Variants in UNC79 observed in about 807,000 individuals in gnomAD.
The protein encoded by UNC79 is protein unc-79 homolog.
UNC79 carries 37 observed loss-of-function variants against 283.1 expected under a neutral mutation model. That is an observed-to-expected ratio of 0.13 (90% confidence interval 0.10 to 0.17). UNC79 has a LOEUF of 0.17. Ranked by LOEUF, UNC79 falls within the 10% of genes least tolerant of loss-of-function variation. UNC79 has a pLI of 1.00. For missense variants in UNC79, 2,272 were observed against 3,211.1 expected (o/e 0.71, Z 7.07); for synonymous variants, 1,107 against 1,200.2 (o/e 0.92, Z 1.61).
At chr14:93,665,053 A>G (rs975336458) in intron 40 of UNC79, among the ~76,000 whole-genome samples, 1 of 151,860 alleles carries the variant, frequency 6.6e-6, no homozygotes. Context: ...AATGATATAC[A>G]TATCATTAAA....
rs536808098 is a variant in UNC79 at position 93,380,970 on chromosome 14, T to C, written c.-351+47447T>C. Among the ~76,000 whole-genome samples the C allele has an allele frequency of 5.3e-5, 8 of 152,320 alleles. No individual in the cohort carries two copies. In the East Asian group the frequency reaches 5.8e-4, roughly 11 times the overall value. ...TTGTCAGTCATTTAGTAAGTATTTA[T>C]TGAGTGCTTTAGATAGTCAGTGATA... is the stretch of plus-strand genomic sequence containing the variant. On this transcript the variant is annotated intron_variant, in intron 1 of 49. Coordinates refer to the UNC79 transcript ENST00000256339.
rs948475860 is a variant in UNC79 at position 93,509,604 on chromosome 14, C to T, written c.898+12318C>T. Among the ~76,000 whole-genome samples, 6 of 152,186 alleles carry T rather than the reference C, an allele frequency of 3.9e-5. No individual in the cohort carries two copies. The East Asian group carries it at 7.7e-4, about 20-fold the overall frequency. On this transcript the variant is annotated intron_variant, in intron 7 of 48. Coordinates refer to ENST00000555664, the Ensembl canonical transcript of UNC79. ...GAAGTCCGAAACCCAGCAGCGCAGT[C>T]ATTAAATTTTAAAGCTCCAAAATAA...
intron 7 of UNC79, among the ~76,000 whole-genome samples, chr14:93,516,918 A>G (rs559651370): frequency 8.5e-5 from 13 of 152,204 alleles, no homozygotes; most frequent in African/African-American, 2.9e-4. Flanking sequence ...GTGTACAGAT[A>G]TTATATTTTG....
intron 14 of UNC79, among the ~76,000 whole-genome samples, chr14:93,562,998 T>C (rs1047958336): frequency 1.6e-4 from 24 of 152,156 alleles, no homozygotes; most frequent in Admixed American, 1.3e-3. Flanking sequence ...AGGATAGATT[T>C]CCACTATGGA....
At chr14:93,670,790 A>C (rs2072765460) in intron 40 of UNC79, among the ~76,000 whole-genome samples, 1 of 152,236 alleles carries the variant, frequency 6.6e-6, no homozygotes, top group African/African-American at 2.4e-5. Context: ...TCAGATGATC[A>C]GTCCTCTTCC....
chr14:93,686,613 C>T (rs76973270), exon 43 of UNC79: 59,310 of 1,614,060 alleles, frequency 0.037, 1,306 homozygotes, highest in South Asian at 0.065. Context: ...AGTACATCAA[C>T]GAAGTGCTGG....
In UNC79 at chr14:93,687,613, T is replaced by C. The variant is rs932689124; in HGVS notation, c.6909+952T>C. Reference sequence around the variant, plus strand: ...TCTGCTCAGACGATCAAAGTGGTTTTTGGTACAGTGATAGATTTGCAAATC... The same window carrying C: ...TCTGCTCAGACGATCAAAGTGGTTTCTGGTACAGTGATAGATTTGCAAATC... On this transcript the variant is annotated intron_variant, in intron 43 of 48. Coordinates refer to ENST00000555664, the Ensembl canonical transcript of UNC79. Among the ~76,000 whole-genome samples the C allele has an allele frequency of 6.6e-5, 10 of 152,312 alleles. No individual in the cohort carries two copies. In the East Asian group the frequency reaches 1.5e-3, roughly 24 times the overall value.
intron 1 of UNC79, among the ~76,000 whole-genome samples, chr14:93,395,360 A>C (rs114658848): frequency 2.0e-3 from 300 of 152,342 alleles, no homozygotes; most frequent in African/African-American, 6.7e-3. Flanking sequence ...ACAGTTCCAT[A>C]AGCTGTACAG....
intron 1 of UNC79, among the ~76,000 whole-genome samples, chr14:93,451,123 T>A (rs1357188203): frequency 6.6e-6 from 1 of 152,146 alleles, no homozygotes; most frequent in Non-Finnish European, 1.5e-5. Flanking sequence ...ACAGGTTTTT[T>A]TTTTTTAAGA....
intron 14 of UNC79, among the ~76,000 whole-genome samples, chr14:93,565,203 C>T (rs950673459): frequency 3.9e-5 from 6 of 152,186 alleles, no homozygotes; most frequent in African/African-American, 1.2e-4. Flanking sequence ...TCTTCCTGGA[C>T]GTAGTCACCT....
At chr14:93,611,403 A>G (rs777628422) in intron 26 of UNC79, among the ~76,000 whole-genome samples, 1 of 152,172 alleles carries the variant, frequency 6.6e-6, no homozygotes, top group Non-Finnish European at 1.5e-5. Context: ...TGAACAGACC[A>G]ACATTCATCT....
chr14:93,464,522 A>G, intron 1 of UNC79: 2 of 456,318 alleles, frequency 4.4e-6, no homozygotes, highest in Non-Finnish European at 4.4e-6. Context: ...ATCTCTGGGT[A>G]CAGTCACATT....
intron 24 of UNC79, among the ~76,000 whole-genome samples, chr14:93,599,019 A>T (rs2065296652): frequency 6.6e-6 from 1 of 152,222 alleles, no homozygotes; most frequent in South Asian, 2.1e-4. Context: ...AAGGACACAA[A>T]GTGATTTAAT....
chr14:93,561,109 T>C (rs1392759613), intron 14 of UNC79, among the ~76,000 whole-genome samples: 2 of 152,190 alleles, frequency 1.3e-5, no homozygotes, highest in Non-Finnish European at 2.9e-5. Flanking sequence ...TTGCCAGTAT[T>C]GATAGAAGGC....
chr14:93,688,460 G>A lies in UNC79; in HGVS notation c.6910-205G>A, dbSNP rs1212077854. On this transcript the variant is annotated intron_variant, in intron 43 of 48. Coordinates refer to ENST00000555664, the Ensembl canonical transcript of UNC79. This position sits in a 1 kb window ranked among gnomAD's most constrained non-coding sequence, Gnocchi z 4.0. ...AGGCAGAAGGGGTAAGTTCTCAGTG[G>A]CTGGATCTTTCTGGCTTTGTAGGCT... Among the ~76,000 whole-genome samples the A allele has an allele frequency of 1.3e-5, 2 of 152,130 alleles. No homozygotes were observed. Among genetic ancestry groups the A allele is most frequent in the Non-Finnish European group, 2.9e-5 (2 of 68,026 alleles).
At position 93,387,071 on chromosome 14, in the gene UNC79, T is replaced by C. The variant is rs551416761; in HGVS notation, c.-351+53548T>C. On this transcript the variant is annotated intron_variant, in intron 1 of 49. Coordinates refer to the UNC79 transcript ENST00000256339. ...GATTCTCCTGTCTCAGCCTCCCAAG[T>C]AGCTCAGATTACAGGCATGTGCCAC... 1.5e-4 allele frequency among the ~76,000 whole-genome samples: 22 copies of C among 151,188 alleles called. No individual in the cohort carries two copies. The East Asian group carries it at 3.0e-3, about 20-fold the overall frequency.
chr14:93,402,070 G>T (rs1380367341), intron 1 of UNC79, among the ~76,000 whole-genome samples: 1 of 152,054 alleles, frequency 6.6e-6, no homozygotes, highest in Non-Finnish European at 1.5e-5. Context: ...CAGAGGTCAG[G>T]AGTTTGAGAT....
intron 13 of UNC79, among the ~76,000 whole-genome samples, 158 bp from the exon 14 acceptor site, chr14:93,542,308 C>G (rs557067084): frequency 6.6e-6 from 1 of 152,184 alleles, no homozygotes; most frequent in Non-Finnish European, 1.5e-5. Context: ...GAAAGGAACA[C>G]AGTTTCTGGA....
rs1298223300 is a variant in UNC79, at chr14:93,493,899, A to ATTT, written c.713-2511_713-2510insTTT. Among the ~76,000 whole-genome samples, 16 of 60,280 alleles carry ATTT rather than the reference A, an allele frequency of 2.7e-4. 1 individual carries two copies. The highest frequency in any genetic ancestry group is 4.1e-4 in the African/African-American group (6 of 14,606). 39.5% of individuals were successfully genotyped at this position (60,280 alleles called of 152,430 possible). On this transcript the variant is annotated intron_variant, in intron 5 of 48. Transcript: ENST00000555664. ...CATATATATATATATATATATATAT[A>ATTT]TATTTTTTTTTTTTTTTTTTTGAGA...
Sources: gnomAD v4.1 joint callset for allele counts (sites outside exome capture counted in the v4.1 genomes callset) on GRCh38, gnomAD v4.1.1 for gene constraint, Gnocchi (gnomAD v3.1) non-coding constraint, MANE v1.5 for transcripts, NCBI Gene and HGNC (gene_info 2026-07-23, HGNC 2026-07-21) for gene names.